The following FAM83F variants were observed in gnomAD, a reference collection of about 807,000 sequenced individuals.
FAM83F encodes protein FAM83F.
FAM83F carries 45 observed loss-of-function variants against 42.9 expected under a neutral mutation model. The ratio of observed to expected loss-of-function variants is 1.05; its 90% confidence interval spans 0.83 to 1.35. FAM83F has a LOEUF of 1.35. Ranked by LOEUF, FAM83F falls within the 40% of genes most tolerant of loss-of-function variation. The pLI is 0.00. For synonymous variants in FAM83F, 306 were observed against 298.3 expected (o/e 1.03, Z -0.27); for missense variants, 617 against 695.9 (o/e 0.89, Z 1.28).
rs1419181247 is a variant in FAM83F at position 40,035,760 on chromosome 22, A to G, written c.*6195A>G. ...TTTCCTCATGTGTCAAATGGGGATG[A>G]TCTCGAGACGACTCTCCAGAGTAAC... On this transcript the variant is annotated 3_prime_UTR_variant, in exon 5 of 5. Transcript: ENST00000333407. 6.6e-6 allele frequency: 1 copy of G among 152,168 alleles called. No homozygotes were observed. The highest frequency in any genetic ancestry group is 1.5e-5 in the Non-Finnish European group (1 of 68,052). The allele number at this position is 152,168 out of a possible 1,614,324, so 9.4% of individuals were successfully genotyped here.
At chr22:40,020,981 A>G (rs1162929055) in intron 3 of FAM83F, among the ~76,000 whole-genome samples, 3 of 152,230 alleles carry the variant, frequency 2.0e-5, no homozygotes, top group Non-Finnish European at 4.4e-5. Flanking sequence ...CCTCACAACA[A>G]CCCTGTGAAC....
intron 4 of FAM83F, among the ~76,000 whole-genome samples, chr22:40,022,388 C>A (rs535879622): frequency 3.9e-5 from 6 of 152,310 alleles, no homozygotes; most frequent in African/African-American, 1.4e-4. Flanking sequence ...TCGACCCTGG[C>A]TCTGAGTTGA....
intron 1 of FAM83F, among the ~76,000 whole-genome samples, chr22:40,011,694 A>C (rs2145715008): frequency 6.6e-6 from 1 of 152,388 alleles, no homozygotes. Context: ...ACATGGAACT[A>C]GTTCGTTACT....
At chr22:40,019,417 C>T (rs1487708729) in intron 2 of FAM83F, 82 bp downstream of exon 2, 12 of 1,350,204 alleles carry the variant, frequency 8.9e-6, no homozygotes, top group Non-Finnish European at 1.2e-5. Flanking sequence ...TCCCCCCTGC[C>T]TCTTCCCTGA....
chr22:40,021,965 T>G lies in FAM83F; in HGVS notation c.1453+2T>G, dbSNP rs750278455. ...AGAATTCCAGTGCTGACATCTCAGG[T>G]GAGCCCTCTTCCCTCTGGCCTGGTG... On this transcript the variant is annotated splice_donor_variant, in intron 4 of 4. Coordinates refer to ENST00000333407, the MANE Select transcript of FAM83F (RefSeq NM_138435.4). LOFTEE classifies it high-confidence loss of function. The surrounding 1 kb of genome is among the most constrained non-coding windows in gnomAD (Gnocchi z 8.7). 6.5e-7 allele frequency: 1 copy of G among 1,543,382 alleles called. No homozygotes were observed. Among genetic ancestry groups the G allele is most frequent in the South Asian group, 1.2e-5 (1 of 82,132 alleles).
chr22:40,010,422 G>A (rs563140122), intron 1 of FAM83F, among the ~76,000 whole-genome samples: 1 of 152,260 alleles, frequency 6.6e-6, no homozygotes, highest in Admixed American at 6.5e-5. Context: ...TAGATTGCAG[G>A]AGTCAGCCAG....
In FAM83F at chr22:40,023,348, G is replaced by A. The variant is rs911019495; in HGVS notation, c.1453+1385G>A. ...GGGCTCCCTGGCTCCCCTAACACCA[G>A]CTGCTGCTGCTGCTGCTGCTCCTGC... On this transcript the variant is annotated intron_variant, in intron 4 of 4. Coordinates refer to ENST00000333407, the MANE Select transcript of FAM83F (RefSeq NM_138435.4). The surrounding 1 kb of genome is among the most constrained non-coding windows in gnomAD (Gnocchi z 4.1). Among the ~76,000 whole-genome samples, 4 of 133,706 alleles carry A rather than the reference G, an allele frequency of 3.0e-5. No homozygotes were observed. Among genetic ancestry groups the A allele is most frequent in the Admixed American group, 2.8e-4 (4 of 14,252 alleles). 87.7% of individuals were successfully genotyped at this position (133,706 alleles called of 152,430 possible).
Position 40,021,553 on chromosome 22 carries a change from A to T in FAM83F, c.1043A>T (p.Gln348Leu), listed in dbSNP as rs1021836776. The T allele has an allele frequency of 1.3e-6, 2 of 1,564,236 alleles. No homozygotes were observed. The highest frequency in any genetic ancestry group is 2.7e-5 in the African/African-American group (2 of 73,564). ...GEMMRWAARQ[Q>L]REAGGNPEGQ... Reference sequence around the variant, plus strand: ...ATGATGCGCTGGGCTGCCCGGCAACAGCGGGAGGCGGGCGGCAACCCGGAG... The same window carrying T: ...ATGATGCGCTGGGCTGCCCGGCAACTGCGGGAGGCGGGCGGCAACCCGGAG... The change falls in exon 4 of 5, where the codon CAG becomes CTG. Residue 348 changes from glutamine (Q) to leucine (L), a missense_variant. Transcript: ENST00000333407. This position sits in a 1 kb window ranked among gnomAD's most constrained non-coding sequence, Gnocchi z 8.7.
Position 40,036,382 on chromosome 22 carries a change from C to T in FAM83F, c.*6817C>T, listed in dbSNP as rs551064423. 8 of 152,300 alleles carry T rather than the reference C, an allele frequency of 5.3e-5. 1 individual carries two copies. The highest frequency in any genetic ancestry group is 4.1e-4 in the South Asian group (2 of 4,824). The allele number at this position is 152,300 out of a possible 1,614,324, so 9.4% of individuals were successfully genotyped here. ...AGAAAACCTGCCAGAGATGCCATTT[C>T]GGAGCCACTCTGCTTGGCAGGGACC... On this transcript the variant is annotated 3_prime_UTR_variant, in exon 5 of 5. Coordinates refer to ENST00000333407, the MANE Select transcript of FAM83F (RefSeq NM_138435.4).
In FAM83F at chr22:40,030,124, C is replaced by T. The variant is rs571102260; in HGVS notation, c.*559C>T. On this transcript the variant is annotated 3_prime_UTR_variant, in exon 5 of 5. Coordinates refer to ENST00000333407, the MANE Select transcript of FAM83F (RefSeq NM_138435.4). ...CTGCAGGGGCACTGGCTGCAGTGGC[C>T]TTCCTGGCCCCATCCCTGCAGGCTC... 1 of 154,716 alleles carries T rather than the reference C, an allele frequency of 6.5e-6. No homozygotes were observed. Among genetic ancestry groups the T allele is most frequent in the East Asian group, 1.9e-4 (1 of 5,198 alleles). 9.6% of individuals were successfully genotyped at this position (154,716 alleles called of 1,614,324 possible). A position where few individuals can be genotyped will look rare whatever the true frequency, so the allele number is the denominator to read the frequency against.
chr22:40,012,792 G>A (rs576721844), intron 1 of FAM83F, among the ~76,000 whole-genome samples: 1 of 146,782 alleles, frequency 6.8e-6, no homozygotes, highest in Non-Finnish European at 1.5e-5. Flanking sequence ...CAAACAAAAG[G>A]GCCAGGCACG....
chr22:40,001,598 G>T (rs1364559283), intron 1 of FAM83F, among the ~76,000 whole-genome samples: 1 of 151,984 alleles, frequency 6.6e-6, no homozygotes, highest in African/African-American at 2.4e-5. Context: ...GGTGAGCAGA[G>T]ATTTCGCCAC....
chr22:40,025,502 C>T (rs2067546949), intron 4 of FAM83F, among the ~76,000 whole-genome samples: 1 of 152,150 alleles, frequency 6.6e-6, no homozygotes, highest in African/African-American at 2.4e-5. Context: ...CACCTGAGGT[C>T]AGGAGTTCGA....
rs558354722 is a variant in FAM83F, at chr22:40,008,608, C to G, written c.490-10560C>G. ...TTCACTCAAAGTGGGACGTCCCCCTCGTGCATTCAAGTGACCTGAGTGGGG... is the reference window on the plus strand; with the variant it reads ...TTCACTCAAAGTGGGACGTCCCCCTGGTGCATTCAAGTGACCTGAGTGGGG... On this transcript the variant is annotated intron_variant, in intron 1 of 4. Coordinates refer to ENST00000333407, the MANE Select transcript of FAM83F (RefSeq NM_138435.4). Among the ~76,000 whole-genome samples the G allele has an allele frequency of 2.6e-5, 4 of 152,304 alleles. No individual in the cohort carries two copies. In the East Asian group the frequency reaches 7.7e-4, roughly 29 times the overall value.
At position 40,037,385 on chromosome 22, in the gene FAM83F, CA is replaced by C. The variant is rs1189198603; in HGVS notation, c.*7827del. ...AGACTCCATCTCAAAAACAAACAAA[CA>C]AAAAAACAAAAGCAAAAACCAGTCT... On this transcript the variant is annotated 3_prime_UTR_variant, in exon 5 of 5. Transcript: ENST00000333407. 1 of 152,524 alleles carries C rather than the reference CA, an allele frequency of 6.6e-6. No homozygotes were observed. Among genetic ancestry groups the C allele is most frequent in the Middle Eastern group, 3.3e-3 (1 of 300 alleles). The allele number at this position is 152,524 out of a possible 1,614,324, so 9.4% of individuals were successfully genotyped here.
Position 39,995,120 on chromosome 22 carries a change from C to T in FAM83F, c.78C>T (p.Tyr26=), listed in dbSNP as rs909497332. Reference sequence around the variant, plus strand: ...TGACCGAGGCGCAGGCCGCCTTCTACTACTGCGAGCGGCGGCGGGCCGCGC... The same window carrying T: ...TGACCGAGGCGCAGGCCGCCTTCTATTACTGCGAGCGGCGGCGGGCCGCGC... ...EKVTEAQAAF[Y]YCERRRAALE... The change falls in exon 1 of 5, where the codon TAC becomes TAT. Residue 26 remains tyrosine (Y), a synonymous_variant. Transcript: ENST00000333407. The surrounding 1 kb of genome is among the most constrained non-coding windows in gnomAD (Gnocchi z 4.6). 7.3e-7 allele frequency: 1 copy of T among 1,373,434 alleles called. No individual in the cohort carries two copies. The highest frequency in any genetic ancestry group is 9.3e-7 in the Non-Finnish European group (1 of 1,072,874). 85.1% of individuals were successfully genotyped at this position (1,373,434 alleles called of 1,614,324 possible). A position where few individuals can be genotyped will look rare whatever the true frequency, so the allele number is the denominator to read the frequency against.
chr22:39,995,110 C>T lies in FAM83F; in HGVS notation c.68C>T (p.Ala23Val). 1 of 1,360,060 alleles carries T rather than the reference C, an allele frequency of 7.4e-7. No homozygotes were observed. Among genetic ancestry groups the T allele is most frequent in the South Asian group, 1.8e-5 (1 of 54,268 alleles). The allele number at this position is 1,360,060 out of a possible 1,614,324, so 84.2% of individuals were successfully genotyped here. A position where few individuals can be genotyped will look rare whatever the true frequency, so the allele number is the denominator to read the frequency against. ...HVNEKVTEAQ[A>V]AFYYCERRRA... Reference sequence around the variant, plus strand: ...AACGAGAAGGTGACCGAGGCGCAGGCCGCCTTCTACTACTGCGAGCGGCGG... The same window carrying T: ...AACGAGAAGGTGACCGAGGCGCAGGTCGCCTTCTACTACTGCGAGCGGCGG... The change falls in exon 1 of 5, where the codon GCC (alanine) becomes GTC (valine). Residue 23 changes from alanine (A) to valine (V), a missense_variant. By Grantham distance (64) the Ala-to-Val change is moderately conservative (BLOSUM62 0). Coordinates refer to ENST00000333407, the MANE Select transcript of FAM83F (RefSeq NM_138435.4). This position sits in a 1 kb window ranked among gnomAD's most constrained non-coding sequence, Gnocchi z 4.6.
intron 1 of FAM83F, among the ~76,000 whole-genome samples, chr22:40,008,254 G>A (rs1337939109): frequency 6.6e-6 from 1 of 152,246 alleles, no homozygotes; most frequent in Non-Finnish European, 1.5e-5. Context: ...TGCCGCGGGA[G>A]GCGCGGGCTG....
intron 1 of FAM83F, among the ~76,000 whole-genome samples, chr22:40,001,226 G>A (rs1421186413): frequency 3.3e-5 from 5 of 152,114 alleles, no homozygotes; most frequent in East Asian, 1.9e-4. Flanking sequence ...AAGTTGAAAG[G>A]TCTTGATTTC....
Sources: allele counts gnomAD v4.1 joint callset (sites outside exome capture counted in the v4.1 genomes callset), GRCh38; gene constraint gnomAD v4.1.1; non-coding constraint Gnocchi (gnomAD v3.1); transcripts MANE v1.5; gene names NCBI Gene and HGNC (gene_info 2026-07-23, HGNC 2026-07-21).